METTL2B: variants seen among roughly 807,000 people sequenced by gnomAD.
METTL2B encodes the protein methyltransferase 2B, tRNA N3-cytidine, also known as tRNA N(3)-cytidine methyltransferase METTL2B.
In METTL2B, 28 loss-of-function variants were observed where a neutral mutation model predicts 51.0. The ratio of observed to expected loss-of-function variants is 0.55; its 90% CI spans 0.41 to 0.75. The LOEUF (loss-of-function observed/expected upper bound fraction) is 0.75, where lower values mean the gene tolerates loss of function less well. Ranked by LOEUF, METTL2B falls within the 30% of genes least tolerant of loss-of-function variation. The pLI is 0.00. For synonymous variants in METTL2B, 128 were observed against 166.3 expected, an observed-to-expected ratio of 0.77 and a Z score of 1.77; for missense variants, 313 against 460.7, an observed-to-expected ratio of 0.68 and a Z score of 2.93.
At chr7:128,489,891 G>A (rs574130105) in intron 5 of METTL2B, among the ~76,000 whole-genome samples, 169 of 152,156 alleles carry the variant, frequency 1.1e-3, no homozygotes, top group African/African-American at 3.8e-3. Context: ...GCCTCCCAAA[G>A]TGCTGGGATT....
Position 128,502,026 on chromosome 7 carries a change from G to T in METTL2B, c.*110G>T. ...TGCCTGTAATCCCAGCCACTCAGGAGGCTGAGGCAGGGAGGATCCATTGAG... is the reference window on the plus strand; with the variant it reads ...TGCCTGTAATCCCAGCCACTCAGGATGCTGAGGCAGGGAGGATCCATTGAG... On this transcript the variant is annotated 3_prime_UTR_variant, in exon 9 of 9. Coordinates refer to ENST00000262432, the MANE Select transcript of METTL2B (RefSeq NM_018396.3). The T allele has an allele frequency of 6.7e-7, 1 of 1,497,480 alleles. No individual in the cohort carries two copies. Among genetic ancestry groups the T allele is most frequent in the South Asian group, 1.3e-5 (1 of 74,860 alleles). 92.8% of individuals were successfully genotyped at this position (1,497,480 alleles called of 1,614,324 possible).
Position 128,501,895 on chromosome 7 carries a change from C to T in METTL2B, c.1116C>T (p.Pro372=), listed in dbSNP as rs757589013. Residue 372 remains proline, a synonymous_variant, in exon 9 of 9, where the codon CCC becomes CCT. Coordinates refer to ENST00000262432, the MANE Select transcript of METTL2B (RefSeq NM_018396.3). ...RVWIQCKYCK[P]LLSSTS Reference sequence around the variant, plus strand: ...GGATTCAGTGCAAATACTGCAAGCCCCTTCTGTCCAGCACCAGCTAAGAGG... The same window carrying T: ...GGATTCAGTGCAAATACTGCAAGCCTCTTCTGTCCAGCACCAGCTAAGAGG... The T allele has an allele frequency of 3.1e-6, 5 of 1,614,006 alleles. No individual in the cohort carries two copies. Among genetic ancestry groups the T allele is most frequent in the African/African-American group, 1.3e-5 (1 of 74,908 alleles).
chr7:128,495,231 T>C (rs1317962739), intron 6 of METTL2B, among the ~76,000 whole-genome samples: 4 of 152,168 alleles, frequency 2.6e-5, no homozygotes, highest in Non-Finnish European at 5.9e-5. Flanking sequence ...TATTGGCCTT[T>C]TAAATGCTTT....
chr7:128,489,912 G>A (rs1028258501), intron 5 of METTL2B, among the ~76,000 whole-genome samples: 4 of 152,104 alleles, frequency 2.6e-5, no homozygotes, highest in African/African-American at 9.7e-5. Context: ...ACAGGCGTGA[G>A]CCACCGCGCC....
At chr7:128,488,600 A>T (rs1584792875) in intron 5 of METTL2B, 1 of 417,060 alleles carries the variant, frequency 2.4e-6, no homozygotes, top group Admixed American at 2.6e-5. Context: ...TGACTGCCCC[A>T]CCAACCTGCC....
At chr7:128,484,726 G>A (rs866624138) in intron 4 of METTL2B, among the ~76,000 whole-genome samples, 12 of 152,026 alleles carry the variant, frequency 7.9e-5, no homozygotes, top group South Asian at 2.1e-4. Context: ...CTGAGTAGCT[G>A]GGATTACAAG....
chr7:128,494,055 C>T lies in METTL2B; in HGVS notation c.809+112C>T, dbSNP rs139911125. The T allele has an allele frequency of 3.8e-4, 512 of 1,334,704 alleles. 4 individuals are homozygous for T. The African/African-American group carries it at 6.3e-3, about 16-fold the overall frequency. 82.7% of individuals were successfully genotyped at this position (1,334,704 alleles called of 1,614,324 possible). ...CAGCCCAGGCTGGAGTGCAGTGGCA[C>T]GATCATGGCTCACTGCAGCCTTAAT... On this transcript the variant is annotated intron_variant, in intron 6 of 8. Coordinates refer to ENST00000262432, the MANE Select transcript of METTL2B (RefSeq NM_018396.3).
Position 128,505,280 on chromosome 7 carries a change from A to C in METTL2B, c.*3364A>C, listed in dbSNP as rs1320423005. The C allele has an allele frequency of 6.6e-6, 1 of 152,110 alleles. No individual in the cohort carries two copies. Among genetic ancestry groups the C allele is most frequent in the African/African-American group, 2.4e-5 (1 of 41,426 alleles). The allele number at this position is 152,110 out of a possible 1,614,324, so 9.4% of individuals were successfully genotyped here. Reference sequence around the variant, plus strand: ...GACTCCGTCTCAAAATAAAAAAACAAAAAAAATGTAAAAAATAAATAATTG... The same window carrying C: ...GACTCCGTCTCAAAATAAAAAAACACAAAAAATGTAAAAAATAAATAATTG... On this transcript the variant is annotated 3_prime_UTR_variant, in exon 9 of 9. Coordinates refer to ENST00000262432, the MANE Select transcript of METTL2B (RefSeq NM_018396.3).
At chr7:128,488,488 CT>C (rs1171916435) in intron 5 of METTL2B, 1 of 511,700 alleles carries the variant, frequency 2.0e-6, no homozygotes, top group Non-Finnish European at 3.9e-6. Context: ...GACTTTTTTA[CT>C]ATTATGTATG....
In METTL2B at chr7:128,502,679, A is replaced by G. The variant is rs529940660; in HGVS notation, c.*763A>G. 788 of 440,340 alleles carry G rather than the reference A, an allele frequency of 1.8e-3. 1 individual carries two copies. Among genetic ancestry groups the G allele is most frequent in the Admixed American group, 4.5e-3 (174 of 38,524 alleles). The allele number at this position is 440,340 out of a possible 1,614,324, so 27.3% of individuals were successfully genotyped here. On this transcript the variant is annotated 3_prime_UTR_variant, in exon 9 of 9. Transcript: ENST00000262432. The stretch of plus-strand genomic sequence containing the variant: ...TTTGGGAGGCCGAGGCGGGCAGATC[A>G]CCTGAGGTCAGGAGTTCGAGACCAG...
rs144033501 is a variant in METTL2B at position 128,501,774 on chromosome 7, C to T, written c.995C>T (p.Thr332Met). 1.4e-4 allele frequency: 222 copies of T among 1,614,048 alleles called. No homozygotes were observed. The African/African-American group carries it at 2.1e-3, about 15-fold the overall frequency. ...TTTTCCACACTAGAGGAACTGGACA[C>T]GCTTTTCACCACTGCTGGACTGGAA... is the stretch of plus-strand genomic sequence containing the variant. ...VYFFTQEELDTLFTTAGLEKV... is the reference protein window; with the variant it reads ...VYFFTQEELDMLFTTAGLEKV... Residue 332 changes from threonine (T) to methionine (M), a missense_variant, in exon 9 of 9, where the codon ACG becomes ATG. Transcript: ENST00000262432.
chr7:128,478,540 C>T (rs1227656816), intron 2 of METTL2B, among the ~76,000 whole-genome samples: 2 of 151,374 alleles, frequency 1.3e-5, no homozygotes, highest in Non-Finnish European at 2.9e-5. Flanking sequence ...TGCGCCACTG[C>T]ACCTGGCTAC....
At position 128,504,012 on chromosome 7, in the gene METTL2B, C is replaced by T. The variant is rs1418973559; in HGVS notation, c.*2096C>T. On this transcript the variant is annotated 3_prime_UTR_variant, in exon 9 of 9. Coordinates refer to ENST00000262432, the MANE Select transcript of METTL2B (RefSeq NM_018396.3). ...AAACTGCATCTCAAAAACAAAGATG[C>T]CTAGCTTTCACCTTGTTGATGTTTT... The T allele has an allele frequency of 2.0e-5, 3 of 152,050 alleles. No individual in the cohort carries two copies. Among genetic ancestry groups the T allele is most frequent in the African/African-American group, 4.8e-5 (2 of 41,408 alleles). 9.4% of individuals were successfully genotyped at this position (152,050 alleles called of 1,614,324 possible). A position where few individuals can be genotyped will look rare whatever the true frequency, so the allele number is the denominator to read the frequency against.
At chr7:128,501,187 T>G (rs1417025596) in intron 8 of METTL2B, 1 of 985,344 alleles carries the variant, frequency 1.0e-6, no homozygotes. Flanking sequence ...CCTTCAGTCC[T>G]GCTCTGCTCT....
intron 5 of METTL2B, among the ~76,000 whole-genome samples, chr7:128,489,525 T>C (rs895981724): frequency 3.9e-5 from 6 of 152,022 alleles, no homozygotes; most frequent in Non-Finnish European, 8.8e-5. Flanking sequence ...TAATCTTTGC[T>C]AGTGGAGGGT....
At chr7:128,483,643 G>T (rs1181578347) in intron 4 of METTL2B, among the ~76,000 whole-genome samples, 1 of 152,276 alleles carries the variant, frequency 6.6e-6, no homozygotes, top group East Asian at 1.9e-4. Context: ...CCAGGTTCAA[G>T]CAATTATCCT....
intron 4 of METTL2B, among the ~76,000 whole-genome samples, chr7:128,485,461 A>G (rs1792683841): frequency 6.6e-6 from 1 of 152,100 alleles, no homozygotes; most frequent in Non-Finnish European, 1.5e-5. Context: ...CAGGAGATGG[A>G]GACCATCCTG....
chr7:128,488,004 T>C, intron 4 of METTL2B, 97 bp from the exon 5 acceptor site: 1 of 1,250,734 alleles, frequency 8.0e-7, no homozygotes, highest in Non-Finnish European at 1.1e-6. Context: ...TGAATGATAG[T>C]TTTTCCCATT....
rs66738177 is a variant in METTL2B, at chr7:128,504,350, C to CTT, written c.*2452_*2453dup. ...GCTGGGTAATGTAGCAAGACCCTGA[C>CTT]TTTTTTTTTTTTTTTTTTTGAGATG... On this transcript the variant is annotated 3_prime_UTR_variant, in exon 9 of 9. Transcript: ENST00000262432. 85 of 108,456 alleles carry CTT rather than the reference C, an allele frequency of 7.8e-4. 6 individuals carry two copies. Among genetic ancestry groups the CTT allele is most frequent in the East Asian group, 2.0e-3 (7 of 3,532 alleles). The allele number at this position is 108,456 out of a possible 1,614,324, so 6.7% of individuals were successfully genotyped here.
Sources: allele counts gnomAD v4.1 joint callset (sites outside exome capture counted in the v4.1 genomes callset), GRCh38; gene constraint gnomAD v4.1.1; transcripts MANE v1.5; gene names NCBI Gene and HGNC (gene_info 2026-07-23, HGNC 2026-07-21).